The following INSL6 variants were observed in gnomAD, a reference collection of about 807,000 sequenced individuals.
INSL6 encodes the protein insulin like 6, also known as insulin-like peptide INSL6.
Under a neutral mutation model 9.4 loss-of-function variants are expected in INSL6, and 16 were observed. The observed-to-expected ratio is 1.70, with a 90% CI of 1.15 to 2.59. INSL6 has a LOEUF of 2.59. INSL6 is among the 30% of genes most tolerant of loss of function. The pLI is 0.00. For missense variants in INSL6, 391 were observed against 257.3 expected, an observed-to-expected ratio of 1.52 and a Z score of -3.56; for synonymous variants, 154 against 96.9, an observed-to-expected ratio of 1.59 and a Z score of -3.46.
At chr9:5,176,844 T>C (rs944051727) in intron 1 of INSL6, among the ~76,000 whole-genome samples, 1 of 152,064 alleles carries the variant, frequency 6.6e-6, no homozygotes, top group Non-Finnish European at 1.5e-5. Flanking sequence ...GGTTGCTGGA[T>C]AAAGATCAAC....
the INSL6 span, chr9:5,081,969 A>G: frequency 2.3e-6 from 2 of 875,358 alleles, no homozygotes; most frequent in South Asian, 3.4e-5. Flanking sequence ...GTGCTTGTAG[A>G]AAAAAAAGGT....
the INSL6 span, among the ~76,000 whole-genome samples, chr9:5,102,560 C>T: frequency 0.33 from 50,786 of 151,858 alleles, 8,826 homozygotes; most frequent in African/African-American, 0.44. Context: ...AGATACTCCT[C>T]GAGAAGAGCA....
At chr9:5,041,537 C>CGA in the INSL6 span, 44 of 537,120 alleles carry the variant, frequency 8.2e-5, no homozygotes, top group South Asian at 6.2e-4. Flanking sequence ...AAGTGCTCTG[C>CGA]GAGAACTTCC....
the INSL6 span, chr9:5,050,742 G>A: frequency 1.6e-5 from 26 of 1,613,880 alleles, no homozygotes; most frequent in East Asian, 2.9e-4. Context: ...ATGAAACACA[G>A]GAAGAATGTC....
the INSL6 span, among the ~76,000 whole-genome samples, chr9:5,095,674 A>G: frequency 1.4e-4 from 21 of 152,136 alleles, no homozygotes; most frequent in Admixed American, 1.4e-3. Flanking sequence ...ATCAATAAAC[A>G]CGACCAGTCT....
At chr9:5,165,265 T>G (rs1825025528) in intron 1 of INSL6, among the ~76,000 whole-genome samples, 1 of 152,220 alleles carries the variant, frequency 6.6e-6, no homozygotes. Context: ...CAAGTTTTTG[T>G]GTGAACATAT....
downstream of INSL6, among the ~76,000 whole-genome samples, chr9:5,162,970 AG>A (rs1451238665): frequency 6.6e-6 from 1 of 152,198 alleles, no homozygotes; most frequent in African/African-American, 2.4e-5. Flanking sequence ...ATGTGTGGAC[AG>A]GAAAAAAAAC....
chr9:4,996,024 T>C, the INSL6 span, among the ~76,000 whole-genome samples: 7 of 152,332 alleles, frequency 4.6e-5, no homozygotes, highest in African/African-American at 9.6e-5. Flanking sequence ...CATTTCATAA[T>C]GGCAATCCAT....
At chr9:5,100,675 C>G in the INSL6 span, 83 of 152,314 alleles carry the variant, frequency 5.4e-4, no homozygotes, top group African/African-American at 2.0e-3. Context: ...GTTACTTCGG[C>G]TCATCACAGC....
At chr9:5,064,082 G>C in the INSL6 span, among the ~76,000 whole-genome samples, 2 of 152,304 alleles carry the variant, frequency 1.3e-5, no homozygotes, top group East Asian at 3.9e-4. Context: ...CTTGAACCCA[G>C]GAGGCAGAAG....
chr9:5,053,015 G>C, the INSL6 span, among the ~76,000 whole-genome samples: 35 of 151,906 alleles, frequency 2.3e-4, no homozygotes, highest in Admixed American at 2.2e-3. Context: ...CATATATTTA[G>C]GAGTGGAATT....
At chr9:5,033,910 T>G in the INSL6 span, among the ~76,000 whole-genome samples, 1 of 152,154 alleles carries the variant, frequency 6.6e-6, no homozygotes, top group Non-Finnish European at 1.5e-5. Context: ...TAAACGTAAA[T>G]GGGCTAAATG....
At chr9:5,014,976 A>G in the INSL6 span, among the ~76,000 whole-genome samples, 1 of 151,966 alleles carries the variant, frequency 6.6e-6, no homozygotes, top group Non-Finnish European at 1.5e-5. Context: ...GTATATGCCT[A>G]AACAATGTAC....
chr9:5,044,421 G>C, the INSL6 span: 1 of 1,610,456 alleles, frequency 6.2e-7, no homozygotes, highest in South Asian at 1.1e-5. Context: ...TTCCTCGTTG[G>C]TATTGCAGTG....
At chr9:5,060,771 C>G in the INSL6 span, among the ~76,000 whole-genome samples, 3 of 152,204 alleles carry the variant, frequency 2.0e-5, no homozygotes, top group African/African-American at 7.2e-5. Context: ...GATGTTCTTC[C>G]TGGCATCAAG....
chr9:5,089,957 T>C, the INSL6 span: 13 of 792,784 alleles, frequency 1.6e-5, no homozygotes, highest in African/African-American at 1.1e-4. Context: ...TCTGGACTTA[T>C]GCCAATGCCC....
intron 1 of INSL6, among the ~76,000 whole-genome samples, chr9:5,182,894 C>A (rs75422903): frequency 1.3e-5 from 2 of 152,054 alleles, no homozygotes; most frequent in African/African-American, 4.8e-5. Flanking sequence ...TAACAAGAAG[C>A]ACACAATTAC....
At chr9:5,069,885 G>T in the INSL6 span, 1 of 1,354,964 alleles carries the variant, frequency 7.4e-7, no homozygotes, top group Non-Finnish European at 1.0e-6. Flanking sequence ...CATACTTTCA[G>T]TGTATTTTGA....
the INSL6 span, among the ~76,000 whole-genome samples, chr9:5,073,451 C>A: frequency 1.3e-5 from 2 of 152,160 alleles, no homozygotes; most frequent in African/African-American, 4.8e-5. Flanking sequence ...TGGCATTATT[C>A]ATGATTCCTG....
Sources: allele counts gnomAD v4.1 joint callset (sites outside exome capture counted in the v4.1 genomes callset), GRCh38; gene constraint gnomAD v4.1.1; transcripts MANE v1.5; gene names NCBI Gene and HGNC (gene_info 2026-07-23, HGNC 2026-07-21).